Variants in PCSK1 observed in about 807,000 individuals in gnomAD.
The protein encoded by PCSK1 is proprotein convertase subtilisin/kexin type 1.
A neutral mutation model predicts 90.6 loss-of-function variants in PCSK1; 56 were observed. That is an observed-to-expected ratio of 0.62 (90% confidence interval 0.50 to 0.77). The LOEUF (loss-of-function observed/expected upper bound fraction) is 0.77. Among genes scored for constraint, PCSK1 ranks in the 30% least tolerant of loss-of-function variants. The probability of loss-of-function intolerance (pLI) is 0.00; values close to 1 mark genes in which losing one functional copy is unlikely to be tolerated. For missense variants in PCSK1, 801 were observed against 932.6 expected (o/e 0.86, Z 1.84); for synonymous variants, 348 against 342.4 (o/e 1.02, Z -0.18).
At chr5:96,428,617 GA>G (rs1344674926) in intron 2 of PCSK1, among the ~76,000 whole-genome samples, 1 of 152,186 alleles carries the variant, frequency 6.6e-6, no homozygotes, top group Non-Finnish European at 1.5e-5. Flanking sequence ...AAAGAGATCA[GA>G]TGGTTTGGAT....
intron 5 of PCSK1, among the ~76,000 whole-genome samples, chr5:96,420,576 A>AGGAAGAAAT (rs145618624): frequency 0.024 from 3,708 of 152,200 alleles, 150 homozygotes; most frequent in African/African-American, 0.085. Context: ...ATTTTCCCCA[A>AGGAAGAAAT]GGAAGAAATA....
At position 96,421,741 on chromosome 5, in the gene PCSK1, A is replaced by G. The variant is rs1761134607; in HGVS notation, c.620+139T>C. 5.8e-6 allele frequency: 4 copies of G among 689,896 alleles called. No individual in the cohort carries two copies. The Admixed American group carries it at 9.0e-5, about 15-fold the overall frequency. The allele number at this position is 689,896 out of a possible 1,614,324, so 42.7% of individuals were successfully genotyped here. A position where few individuals can be genotyped will look rare whatever the true frequency, so the allele number is the denominator to read the frequency against. ...AACTTTGGTTTCTGTTTTAAAAGCA[A>G]CAAAATATTGTGGTATGGATGTTGT... On this transcript the variant is annotated intron_variant, in intron 5 of 13. Transcript: ENST00000311106.
At position 96,423,322 on chromosome 5, in the gene PCSK1, A is replaced by G. The variant is rs767557606; in HGVS notation, c.534T>C (p.Tyr178=). 6.2e-6 allele frequency: 10 copies of G among 1,609,850 alleles called. No individual in the cohort carries two copies. The Admixed American group carries it at 6.7e-5, about 11-fold the overall frequency. The stretch of plus-strand genomic sequence containing the variant: ...GAAGGCACACACTTACATAGTTGGC[A>G]TAAATGTCCGTGTGATTCCACTCCA... ...DGLEWNHTDI[Y]ANYDPEASYD... Residue 178 remains tyrosine (Y), a synonymous_variant, in exon 4 of 14, where the codon TAT becomes TAC. Transcript: ENST00000311106.
Position 96,429,264 on chromosome 5 carries a change from C to A in PCSK1, c.234G>T (p.Arg78Ser), listed in dbSNP as rs148354360. 4.4e-6 allele frequency: 7 copies of A among 1,604,806 alleles called. No individual in the cohort carries two copies. The African/African-American group carries it at 5.4e-5, about 12-fold the overall frequency. ...YLFKHKNHPR[R>S]SRRSAFHITK... ...TGATATGAAAGGCACTCCTTCGAGA[C>A]CTTCTGGGGTGGTTTTTATGTTTGA... is the stretch of plus-strand genomic sequence containing the variant. The change falls in exon 2 of 14, where the codon AGG becomes AGT. Residue 78 changes from arginine (R) to serine (S), a missense_variant. Physicochemically the swap from Arg to Ser is moderately radical, Grantham distance 110 (BLOSUM62 -1). Transcript: ENST00000311106.
intron 6 of PCSK1, among the ~76,000 whole-genome samples, chr5:96,415,230 A>G (rs1303523409): frequency 6.6e-6 from 1 of 152,172 alleles, no homozygotes; most frequent in East Asian, 1.9e-4. Flanking sequence ...GGTTCAGCCA[A>G]CTGAAGACAC....
At chr5:96,405,158 A>G (rs566303794) in intron 9 of PCSK1, among the ~76,000 whole-genome samples, 1 of 152,346 alleles carries the variant, frequency 6.6e-6, no homozygotes, top group Non-Finnish European at 1.5e-5. Flanking sequence ...GTACCTTGGC[A>G]GTAAGGATAT....
At chr5:96,413,235 T>G (rs1181981793) in intron 6 of PCSK1, among the ~76,000 whole-genome samples, 1 of 152,224 alleles carries the variant, frequency 6.6e-6, no homozygotes, top group Non-Finnish European at 1.5e-5. Flanking sequence ...AGGGGAATCA[T>G]TTTTCATCAG....
intron 5 of PCSK1, 41 bp from the exon 6 acceptor site, chr5:96,416,162 A>G: frequency 7.3e-7 from 1 of 1,372,558 alleles, no homozygotes; most frequent in Admixed American, 1.7e-5. Flanking sequence ...ATACAGAAGA[A>G]CAAACATTTG....
At chr5:96,423,538 A>ACT in intron 3 of PCSK1, 79 bp from the exon 4 acceptor site, 1 of 1,282,878 alleles carries the variant, frequency 7.8e-7, no homozygotes. Flanking sequence ...TCCAACCTGG[A>ACT]GACCCATCTT....
chr5:96,412,156 C>T (rs558154689), intron 7 of PCSK1, among the ~76,000 whole-genome samples, 162 bp downstream of exon 7: 1 of 152,338 alleles, frequency 6.6e-6, no homozygotes, highest in South Asian at 2.1e-4. Flanking sequence ...ACTCCCATCC[C>T]TCTGAAGAAT....
intron 9 of PCSK1, among the ~76,000 whole-genome samples, chr5:96,404,175 A>G (rs1410215777): frequency 1.3e-5 from 2 of 152,158 alleles, no homozygotes; most frequent in Non-Finnish European, 2.9e-5. Context: ...GTTTCTACAC[A>G]AACACAGGTG....
rs772761893 is a variant in PCSK1 at position 96,393,135 on chromosome 5, G to T, written c.2128C>A (p.Pro710Thr). ...FYEALEKLNK[P>T]SQLKDSEDSL... The stretch of plus-strand genomic sequence containing the variant: ...TCTTCAGAGTCTTTAAGCTGGGAAG[G>T]TTTGTTCAGCTTTTCCAGGGCTTCG... The change falls in exon 14 of 14, where the codon CCT (proline) becomes ACT (threonine). Residue 710 changes from proline (P) to threonine (T), a missense_variant. By Grantham distance (38) the Pro-to-Thr change is conservative (BLOSUM62 -1). Coordinates refer to ENST00000311106, the MANE Select transcript of PCSK1 (RefSeq NM_000439.5). The T allele has an allele frequency of 6.2e-7, 1 of 1,614,200 alleles. No individual in the cohort carries two copies. Among genetic ancestry groups the T allele is most frequent in the Admixed American group, 1.7e-5 (1 of 60,028 alleles).
intron 9 of PCSK1, among the ~76,000 whole-genome samples, chr5:96,403,723 C>T (rs1336235512): frequency 1.3e-5 from 2 of 152,198 alleles, no homozygotes; most frequent in Non-Finnish European, 2.9e-5. Flanking sequence ...AGTGAAAAGT[C>T]TTAGGAGCTA....
chr5:96,414,775 T>C (rs1028770952), intron 6 of PCSK1, among the ~76,000 whole-genome samples: 11 of 152,208 alleles, frequency 7.2e-5, no homozygotes, highest in African/African-American at 2.7e-4. Context: ...GTGAATTCTT[T>C]TACTAGCTAA....
At chr5:96,407,089 A>G (rs932206093) in intron 9 of PCSK1, among the ~76,000 whole-genome samples, 3 of 152,248 alleles carry the variant, frequency 2.0e-5, no homozygotes, top group Non-Finnish European at 4.4e-5. Context: ...AATAAAAGAC[A>G]TATAATTAAT....
At chr5:96,415,570 T>G (rs116702340) in intron 6 of PCSK1, among the ~76,000 whole-genome samples, 1,548 of 152,284 alleles carry the variant, frequency 0.01, 28 homozygotes, top group African/African-American at 0.035. Flanking sequence ...CCTACATCCT[T>G]GCTATAAAAG....
intron 8 of PCSK1, 27 bp from the exon 9 acceptor site, chr5:96,408,350 G>T: frequency 6.4e-7 from 1 of 1,557,184 alleles, no homozygotes; most frequent in Non-Finnish European, 8.9e-7. Flanking sequence ...AGGAGAGAAA[G>T]GCAGGGAGAA....
chr5:96,398,890 G>A lies in PCSK1; in HGVS notation c.1577C>T (p.Thr526Ile). The change falls in exon 11 of 14, where the codon ACT becomes ATT. Residue 526 changes from threonine (T) to isoleucine (I), a missense_variant. Physicochemically the swap from Thr to Ile is moderately conservative, Grantham distance 89 (BLOSUM62 -1). Coordinates refer to ENST00000311106, the MANE Select transcript of PCSK1 (RefSeq NM_000439.5). ...SRRGDLHVTL[T>I]SAAGTSTVLL... The stretch of plus-strand genomic sequence containing the variant: ...CTTTTTTAATTTACCAGCAGCAGAA[G>A]TAAGTGTGACATGAAGGTCTCCTCT... 1 of 1,613,206 alleles carries A rather than the reference G, an allele frequency of 6.2e-7. No individual in the cohort carries two copies. Among genetic ancestry groups the A allele is most frequent in the Non-Finnish European group, 8.5e-7 (1 of 1,179,200 alleles).
At chr5:96,402,035 T>C (rs962310392) in intron 9 of PCSK1, among the ~76,000 whole-genome samples, 3 of 152,222 alleles carry the variant, frequency 2.0e-5, no homozygotes, top group African/African-American at 7.2e-5. Flanking sequence ...GCCCAGTTTT[T>C]ACTCCTCAAG....
Sources: allele counts gnomAD v4.1 joint callset (sites outside exome capture counted in the v4.1 genomes callset), GRCh38; gene constraint gnomAD v4.1.1; transcripts MANE v1.5; gene names NCBI Gene and HGNC (gene_info 2026-07-23, HGNC 2026-07-21).